Variants in CFAP46 observed in about 807,000 individuals in gnomAD.
The protein encoded by CFAP46 is cilia- and flagella-associated protein 46.
Under a neutral mutation model 325.7 loss-of-function variants are expected in CFAP46, and 245 were observed. The observed-to-expected ratio is 0.75, with a 90% CI of 0.68 to 0.84. CFAP46 has a LOEUF of 0.84. Among genes scored for constraint, CFAP46 ranks in the 40% least tolerant of loss-of-function variants. CFAP46 has a pLI of 0.00. For synonymous variants in CFAP46, 1,523 were observed against 1,495.9 expected (o/e 1.02, Z -0.42); for missense variants, 3,346 against 3,543.0 (o/e 0.94, Z 1.41).
In CFAP46 at chr10:132,885,947, T is replaced by C; in HGVS notation, c.3317A>G (p.Asp1106Gly). 1 of 1,549,930 alleles carries C rather than the reference T, an allele frequency of 6.5e-7. No individual in the cohort carries two copies. Among genetic ancestry groups the C allele is most frequent in the Non-Finnish European group, 8.7e-7 (1 of 1,146,656 alleles). ...GTAGAGCGCAGCACGGAGCGCCAGG[T>C]CGTCCTCAGCCCCTGGGAGGGAGAA... ...EGYFLPGAEDDLALRAALYGL... is the reference protein window; with the variant it reads ...EGYFLPGAEDGLALRAALYGL... Residue 1106 changes from aspartate to glycine, a missense_variant, in exon 26 of 58, where the codon GAC (aspartate) becomes GGC (glycine). Transcript: ENST00000368586.
intron 44 of CFAP46, among the ~76,000 whole-genome samples, chr10:132,839,862 G>A (rs891072380): frequency 9.2e-5 from 14 of 152,106 alleles, no homozygotes; most frequent in Non-Finnish European, 1.8e-4. Flanking sequence ...CTGACGTGGC[G>A]CCCCTTATAA....
intron 50 of CFAP46, 113 bp from the exon 51 acceptor site, chr10:132,815,027 A>C (rs1847666950): frequency 1.1e-5 from 11 of 974,628 alleles, no homozygotes; most frequent in South Asian, 1.5e-5. Flanking sequence ...GAAAAAAAAA[A>C]CAAGTTGTGA....
At chr10:132,823,988 GC>G (rs577273898) in intron 50 of CFAP46, among the ~76,000 whole-genome samples, 2,615 of 108,658 alleles carry the variant, frequency 0.024, 73 homozygotes, top group Non-Finnish European at 0.035. Context: ...TGCTGTGTGT[GC>G]TGCTTGTTTG....
intron 9 of CFAP46, among the ~76,000 whole-genome samples, chr10:132,927,588 T>C (rs1380353682): frequency 6.6e-6 from 1 of 152,182 alleles, no homozygotes; most frequent in Non-Finnish European, 1.5e-5. Flanking sequence ...CAAGCCTCCA[T>C]GCCACTAAGG....
chr10:132,856,845 C>T (rs1386079812), intron 39 of CFAP46, among the ~76,000 whole-genome samples: 1 of 152,140 alleles, frequency 6.6e-6, no homozygotes, highest in Non-Finnish European at 1.5e-5. Flanking sequence ...CTTTGTCTTC[C>T]TTTGGGGTCT....
intron 22 of CFAP46, among the ~76,000 whole-genome samples, chr10:132,903,817 T>C (rs1591081902): frequency 6.6e-6 from 1 of 152,224 alleles, no homozygotes; most frequent in Non-Finnish European, 1.5e-5. Context: ...TTACGTTAAA[T>C]AAAAATGTTG....
At chr10:132,917,234 G>A (rs1376145321) in intron 16 of CFAP46, among the ~76,000 whole-genome samples, 1 of 152,252 alleles carries the variant, frequency 6.6e-6, no homozygotes. Context: ...GCCTAAATCG[G>A]CAGGTGCCCT....
At position 132,885,121 on chromosome 10, in the gene CFAP46, G is replaced by A. The variant is rs771306547; in HGVS notation, c.3609C>T (p.Asn1203=). Residue 1203 remains asparagine, a synonymous_variant, in exon 27 of 58, where the codon AAC becomes AAT. Transcript: ENST00000368586. ...TTCACACCTGCAAGGCCTGGATGGC[G>A]TTGTTGTAGCAGGCCAGCTCTCCAG... ...SVSGELACYN[N]AIQALQKPEM... is the part of the protein sequence containing the mutation. The A allele has an allele frequency of 2.5e-5, 38 of 1,548,286 alleles. No homozygotes were observed. Among genetic ancestry groups the A allele is most frequent in the Admixed American group, 1.2e-4 (6 of 50,828 alleles).
At position 132,877,936 on chromosome 10, in the gene CFAP46, C is replaced by T. The variant is rs780879721; in HGVS notation, c.4157G>A (p.Ser1386Asn). The T allele has an allele frequency of 4.5e-6, 7 of 1,550,270 alleles. 1 individual carries two copies. The South Asian group carries it at 4.8e-5, about 11-fold the overall frequency. The change falls in exon 30 of 58, where the codon AGT (serine) becomes AAT (asparagine). Residue 1386 changes from serine to asparagine, a missense_variant. Physicochemically the swap from Ser to Asn is conservative, Grantham distance 46. Coordinates refer to ENST00000368586, the MANE Select transcript of CFAP46 (RefSeq NM_001200049.3). The surrounding 1 kb of genome is among the most constrained non-coding windows in gnomAD (Gnocchi z 5.7). ...TCCCTTCTCCTTGTCCTTCTCTTTA[C>T]TCCTCTCATTCTCCTTCTCTTTACT... ...ERSKEKENER[S>N]KEKDKEKGKE... is the part of the protein sequence containing the mutation.
chr10:132,831,899 T>C (rs900339772), intron 50 of CFAP46, among the ~76,000 whole-genome samples: 1 of 151,050 alleles, frequency 6.6e-6, no homozygotes, highest in African/African-American at 2.5e-5. Flanking sequence ...TGGGGTTTTT[T>C]GTTTGTTTTT....
intron 57 of CFAP46, among the ~76,000 whole-genome samples, chr10:132,809,369 C>A (rs1449282874): frequency 6.6e-6 from 1 of 152,242 alleles, no homozygotes; most frequent in Non-Finnish European, 1.5e-5. Flanking sequence ...CCCAGCAGGG[C>A]ATCGTGTGGG....
intron 35 of CFAP46, among the ~76,000 whole-genome samples, chr10:132,861,693 C>T (rs950160042): frequency 1.3e-5 from 2 of 152,184 alleles, no homozygotes; most frequent in Admixed American, 1.3e-4. Context: ...GGAGCGGTGG[C>T]GGGAAAGCCG....
At position 132,885,892 on chromosome 10, in the gene CFAP46, C is replaced by T. The variant is rs1849122804; in HGVS notation, c.3372G>A (p.Gln1124=). ...CCTTGAGGCCGCCCTCCCAGTCGTC[C>T]TGGTCGGCATGGCTGTGGAAGAGCA... The part of the protein sequence containing the change: ...YGLLFHSHAD[Q]DDWEGGLKVL... The change falls in exon 26 of 58, where the codon CAG becomes CAA. Residue 1124 remains glutamine (Q), a synonymous_variant. Transcript: ENST00000368586. 1.3e-6 allele frequency: 2 copies of T among 1,550,148 alleles called. No individual in the cohort carries two copies. Among genetic ancestry groups the T allele is most frequent in the Non-Finnish European group, 8.7e-7 (1 of 1,146,814 alleles).
At chr10:132,861,436 A>C (rs11817114) in intron 35 of CFAP46, among the ~76,000 whole-genome samples, 51,679 of 152,178 alleles carry the variant, frequency 0.34, 9,878 homozygotes, top group Admixed American at 0.5. Context: ...TCGTCCCCGG[A>C]GCCTCCTGGG....
At chr10:132,881,086 C>G (rs1849036072) in intron 27 of CFAP46, 54 bp from the exon 28 acceptor site, 5 of 1,469,560 alleles carry the variant, frequency 3.4e-6, no homozygotes, top group African/African-American at 1.4e-5. Flanking sequence ...GAAGGCGTTC[C>G]TGACGCAGTG....
intron 38 of CFAP46, among the ~76,000 whole-genome samples, chr10:132,858,850 G>A (rs908433713): frequency 1.3e-5 from 2 of 152,184 alleles, no homozygotes; most frequent in Non-Finnish European, 2.9e-5. Context: ...CCAGAAGGAG[G>A]CCCTGTCAGG....
Position 132,878,053 on chromosome 10 carries a change from T to C in CFAP46, c.4040A>G (p.Glu1347Gly). The C allele has an allele frequency of 6.4e-7, 1 of 1,550,714 alleles. No homozygotes were observed. The highest frequency in any genetic ancestry group is 8.7e-7 in the Non-Finnish European group (1 of 1,147,028). Residue 1347 changes from glutamate (E) to glycine (G), a missense_variant, in exon 30 of 58, where the codon GAA (glutamate) becomes GGA (glycine). Glu to Gly is a moderately conservative substitution (Grantham distance 98, BLOSUM62 -2). Transcript: ENST00000368586. ...GCTGGTTGCTGCCAGGGGTCTGTTT[T>C]CCAGAACTGATTTTCCTGCTGTCAT... ...SLMTAGKSVL[E>G]NRPLAATSSH...
chr10:132,846,959 A>G lies in CFAP46; in HGVS notation c.6240T>C (p.Thr2080=). 1 of 1,610,888 alleles carries G rather than the reference A, an allele frequency of 6.2e-7. No homozygotes were observed. The highest frequency in any genetic ancestry group is 8.5e-7 in the Non-Finnish European group (1 of 1,179,682). ...VECVGTLDPA[T]TCQFLALSQS... Reference sequence around the variant, plus strand: ...GAGACAGAGCCAGGAACTGGCAGGTAGTTGCAGGGTCCAGGGTGCCGACAC... The same window carrying G: ...GAGACAGAGCCAGGAACTGGCAGGTGGTTGCAGGGTCCAGGGTGCCGACAC... Residue 2080 remains threonine (T), a synonymous_variant, in exon 43 of 58, where the codon ACT becomes ACC. Transcript: ENST00000368586.
At chr10:132,857,556 C>T (rs775296078) in intron 39 of CFAP46, 34 bp downstream of exon 39, 2 of 1,597,936 alleles carry the variant, frequency 1.3e-6, no homozygotes, top group South Asian at 1.1e-5. Flanking sequence ...GTGGGAGTGA[C>T]CCAGTGTGCA....
Sources: allele counts gnomAD v4.1 joint callset (sites outside exome capture counted in the v4.1 genomes callset), GRCh38; gene constraint gnomAD v4.1.1; non-coding constraint Gnocchi (gnomAD v3.1); transcripts MANE v1.5; gene names NCBI Gene and HGNC (gene_info 2026-07-23, HGNC 2026-07-21).